The following FMN2 variants were observed in gnomAD, a reference collection of about 807,000 sequenced individuals.
FMN2 encodes the protein formin 2, also known as formin-2.
FMN2 carries 51 observed loss-of-function variants against 142.3 expected under a neutral mutation model. The observed-to-expected ratio is 0.36, with a 90% CI of 0.29 to 0.45. FMN2 has a LOEUF of 0.45. Among genes scored for constraint, FMN2 ranks in the 20% least tolerant of loss-of-function variants. FMN2 has a pLI of 1.00. For synonymous variants in FMN2, 882 were observed against 869.8 expected (o/e 1.01, Z -0.25); for missense variants, 1,936 against 2,122.8 (o/e 0.91, Z 1.73).
At chr1:240,301,637 T>C (rs1670202246) in intron 8 of FMN2, among the ~76,000 whole-genome samples, 1 of 151,946 alleles carries the variant, frequency 6.6e-6, no homozygotes, top group Non-Finnish European at 1.5e-5. Context: ...TAAAATTGGA[T>C]ATAGAAGTCT....
intron 6 of FMN2, among the ~76,000 whole-genome samples, chr1:240,222,101 C>A (rs1054122913): frequency 7.9e-5 from 12 of 150,998 alleles, no homozygotes; most frequent in African/African-American, 2.9e-4. Flanking sequence ...TCAAGTCACC[C>A]ACCTGCCTCG....
At chr1:240,107,320 CAAT>C (rs1487344229) in intron 1 of FMN2, among the ~76,000 whole-genome samples, 2 of 152,038 alleles carry the variant, frequency 1.3e-5, no homozygotes, top group East Asian at 1.9e-4. Context: ...CTCGGAGAGT[CAAT>C]GATGTATGAC....
chr1:240,139,246 GTAGA>G (rs1383797376), intron 2 of FMN2, among the ~76,000 whole-genome samples: 1 of 151,112 alleles, frequency 6.6e-6, no homozygotes, highest in Non-Finnish European at 1.5e-5. Context: ...GAGCACTAGG[GTAGA>G]TAGAGGGTGA....
chr1:240,372,639 C>CTTTTTTTTTTTT (rs748480743), intron 14 of FMN2, among the ~76,000 whole-genome samples: 1 of 114,844 alleles, frequency 8.7e-6, no homozygotes, highest in African/African-American at 3.2e-5. Context: ...GGAAGAATTT[C>CTTTTTTTTTTTT]TTTTTTTTTT....
intron 16 of FMN2, among the ~76,000 whole-genome samples, chr1:240,446,792 G>T (rs917126094): frequency 2.6e-5 from 4 of 152,078 alleles, no homozygotes; most frequent in Admixed American, 1.3e-4. Flanking sequence ...GGAGCCAAAG[G>T]CTTCCCCATG....
At chr1:240,372,042 C>A (rs2103070445) in intron 14 of FMN2, among the ~76,000 whole-genome samples, 1 of 152,062 alleles carries the variant, frequency 6.6e-6, no homozygotes, top group East Asian at 1.9e-4. Context: ...TTGAGACCAG[C>A]CAGGTCAACG....
At chr1:240,316,947 C>T (rs552013117) in intron 8 of FMN2, among the ~76,000 whole-genome samples, 1 of 152,114 alleles carries the variant, frequency 6.6e-6, no homozygotes, top group Non-Finnish European at 1.5e-5. Context: ...ATCATGTACA[C>T]ACATATGCAT....
chr1:240,247,070 G>A (rs1379394416), intron 6 of FMN2, among the ~76,000 whole-genome samples: 1 of 152,192 alleles, frequency 6.6e-6, no homozygotes, highest in Non-Finnish European at 1.5e-5. Flanking sequence ...TAAGGACACT[G>A]TGGAATCCAT....
intron 15 of FMN2, among the ~76,000 whole-genome samples, chr1:240,424,805 A>G (rs941265162): frequency 1.3e-5 from 2 of 152,226 alleles, no homozygotes; most frequent in Non-Finnish European, 1.5e-5. Flanking sequence ...AGTTATCCAT[A>G]TTCAAAGTCC....
At chr1:240,460,869 A>G (rs1401605581) in intron 16 of FMN2, among the ~76,000 whole-genome samples, 1 of 152,156 alleles carries the variant, frequency 6.6e-6, no homozygotes, top group Non-Finnish European at 1.5e-5. Context: ...AAACATTGTC[A>G]CCATCACCTG....
chr1:240,438,489 AC>A (rs1242466284), intron 16 of FMN2, among the ~76,000 whole-genome samples: 1 of 152,202 alleles, frequency 6.6e-6, no homozygotes, highest in Non-Finnish European at 1.5e-5. Flanking sequence ...CGTAAAAGTG[AC>A]CACGTAAGAA....
At chr1:240,381,422 C>A (rs576270017) in intron 14 of FMN2, among the ~76,000 whole-genome samples, 147 of 152,024 alleles carry the variant, frequency 9.7e-4, no homozygotes, top group African/African-American at 3.3e-3. Context: ...TTTAAAAAAC[C>A]ATATGATCAT....
At chr1:240,266,029 T>TA in intron 7 of FMN2, among the ~76,000 whole-genome samples, 1 of 151,230 alleles carries the variant, frequency 6.6e-6, no homozygotes, top group African/African-American at 2.4e-5. Flanking sequence ...CCTTTTTTTT[T>TA]TTTTTAATAA....
chr1:240,332,144 T>C (rs1460404449), intron 11 of FMN2, among the ~76,000 whole-genome samples: 3 of 152,186 alleles, frequency 2.0e-5, no homozygotes, highest in Non-Finnish European at 4.4e-5. Flanking sequence ...TTCATAGTCC[T>C]TCCTTGGTAC....
intron 16 of FMN2, among the ~76,000 whole-genome samples, chr1:240,442,654 T>C (rs1356937966): frequency 2.0e-5 from 3 of 152,246 alleles, no homozygotes. Context: ...TCGTTAAGGT[T>C]TTAAATCCTG....
intron 7 of FMN2, among the ~76,000 whole-genome samples, chr1:240,286,010 T>C (rs1669578665): frequency 6.6e-6 from 1 of 152,194 alleles, no homozygotes; most frequent in South Asian, 2.1e-4. Context: ...TGAGAAGCCC[T>C]GAGTCTTCAT....
chr1:240,353,330 A>G (rs879841061), intron 13 of FMN2, among the ~76,000 whole-genome samples: 2 of 152,220 alleles, frequency 1.3e-5, no homozygotes, highest in African/African-American at 2.4e-5. Flanking sequence ...TCACTACCAT[A>G]TAATGCAACT....
At position 240,197,680 on chromosome 1, in the gene FMN2, T is replaced by A. The variant is rs115852712; in HGVS notation, c.1987-9119T>A. On this transcript the variant is annotated intron_variant, in intron 4 of 17. Coordinates refer to ENST00000319653, the MANE Select transcript of FMN2 (RefSeq NM_020066.5). ...GGTCACAGAAGTCCTCTGTTTTCAT[T>A]GTTGAGTGAGAGAATAGGGAAAGCA... 3.4e-3 allele frequency among the ~76,000 whole-genome samples: 517 copies of A among 152,212 alleles called. 1 individual carries two copies. Among genetic ancestry groups the A allele is most frequent in the Non-Finnish European group, 4.3e-3 (293 of 67,998 alleles).
chr1:240,205,891 CTTTTTTTT>C (rs57803350), intron 4 of FMN2, among the ~76,000 whole-genome samples: 38 of 120,570 alleles, frequency 3.2e-4, no homozygotes, highest in Non-Finnish European at 2.9e-4. Flanking sequence ...TATCAGCCAT[CTTTTTTTT>C]TTTTTTTTTT....
Sources: allele counts gnomAD v4.1 joint callset (sites outside exome capture counted in the v4.1 genomes callset), GRCh38; gene constraint gnomAD v4.1.1; transcripts MANE v1.5; gene names NCBI Gene and HGNC (gene_info 2026-07-23, HGNC 2026-07-21).